SLC23A2: variants seen among roughly 807,000 people sequenced by gnomAD.
SLC23A2 encodes the protein solute carrier family 23 member 2, also known as Na(+)/L-ascorbic acid transporter 2.
A neutral mutation model predicts 73.3 loss-of-function variants in SLC23A2; 36 were observed. The ratio of observed to expected loss-of-function variants is 0.49; its 90% CI spans 0.38 to 0.65. SLC23A2 has a LOEUF of 0.65. SLC23A2 is among the 30% of genes least tolerant of loss of function. The probability of loss-of-function intolerance (pLI) is 0.00; values close to 1 mark genes in which losing one functional copy is unlikely to be tolerated. For missense variants in SLC23A2, 507 were observed against 841.6 expected, an observed-to-expected ratio of 0.60 and a Z score of 4.92; for synonymous variants, 343 against 327.3, an observed-to-expected ratio of 1.05 and a Z score of -0.52.
chr20:5,001,514 G>A (rs889390281), upstream of SLC23A2: 2 of 150,622 alleles, frequency 1.3e-5, no homozygotes, highest in African/African-American at 4.9e-5. Flanking sequence ...AAATGGCGCC[G>A]CGGAGGGGCG....
intron 4 of SLC23A2, among the ~76,000 whole-genome samples, chr20:4,907,545 TTAA>T (rs1931999797): frequency 6.6e-6 from 1 of 152,182 alleles, no homozygotes; most frequent in Non-Finnish European, 1.5e-5. Flanking sequence ...AGAATGCTTT[TTAA>T]AGACTTTAAC....
chr20:4,881,837 T>A (rs8123938), intron 9 of SLC23A2, among the ~76,000 whole-genome samples: 10,809 of 152,248 alleles, frequency 0.071, 875 homozygotes, highest in African/African-American at 0.2. Flanking sequence ...TATCAGTAAT[T>A]AATTGCAAAG....
upstream of SLC23A2, among the ~76,000 whole-genome samples, chr20:5,006,216 G>C (rs951485349): frequency 1.3e-5 from 2 of 151,530 alleles, no homozygotes; most frequent in Non-Finnish European, 2.9e-5. Context: ...TCCTGCCTCA[G>C]CCTCCCGAGT....
At chr20:4,925,924 G>A (rs1315740352) in intron 3 of SLC23A2, among the ~76,000 whole-genome samples, 1 of 152,214 alleles carries the variant, frequency 6.6e-6, no homozygotes, top group Non-Finnish European at 1.5e-5. Context: ...CACTATCACA[G>A]CACCCGTGCA....
chr20:5,009,359 T>C (rs1418345267), intron 1 of SLC23A2, among the ~76,000 whole-genome samples: 2 of 152,204 alleles, frequency 1.3e-5, no homozygotes, highest in Non-Finnish European at 2.9e-5. Context: ...CTTAATGTCC[T>C]CTGGATCATT....
At chr20:4,969,314 C>A (rs1194984021) in intron 2 of SLC23A2, among the ~76,000 whole-genome samples, 3 of 151,980 alleles carry the variant, frequency 2.0e-5, no homozygotes, top group Non-Finnish European at 2.9e-5. Context: ...GTCTTGAACT[C>A]CGGACCTCAG....
chr20:4,990,691 T>C (rs985537374), intron 1 of SLC23A2, among the ~76,000 whole-genome samples: 6 of 146,916 alleles, frequency 4.1e-5, no homozygotes, highest in Non-Finnish European at 6.0e-5. Context: ...TATCTTATTA[T>C]AAAAACAAGG....
intron 1 of SLC23A2, among the ~76,000 whole-genome samples, chr20:5,007,123 C>T (rs775655284): frequency 3.3e-5 from 5 of 152,124 alleles, no homozygotes; most frequent in Non-Finnish European, 7.4e-5. Flanking sequence ...ATGTATACCA[C>T]GTAGGCTTCT....
intron 8 of SLC23A2, 36 bp downstream of exon 8, chr20:4,884,717 T>C (rs750853386): frequency 8.7e-6 from 13 of 1,486,070 alleles, no homozygotes; most frequent in South Asian, 3.4e-5. Flanking sequence ...AGAAGAAACA[T>C]GAAGAAGCCA....
chr20:4,933,460 A>T (rs192789189), intron 2 of SLC23A2, among the ~76,000 whole-genome samples: 2,665 of 151,918 alleles, frequency 0.018, 25 homozygotes, highest in Middle Eastern at 0.031. Context: ...CTAAAAAAAA[A>T]AATAATAATA....
chr20:4,957,763 T>C (rs1418824924), intron 2 of SLC23A2, among the ~76,000 whole-genome samples: 1 of 151,420 alleles, frequency 6.6e-6, no homozygotes, highest in African/African-American at 2.4e-5. Context: ...TAGCCAGACA[T>C]GGTGGTGGGC....
chr20:4,961,338 T>C (rs778252473), intron 2 of SLC23A2, among the ~76,000 whole-genome samples: 12 of 152,050 alleles, frequency 7.9e-5, no homozygotes, highest in Non-Finnish European at 1.3e-4. Context: ...CACCTTGGCC[T>C]CCCAAAGTGC....
At chr20:4,945,880 G>A (rs1302841467) in intron 2 of SLC23A2, among the ~76,000 whole-genome samples, 2 of 152,146 alleles carry the variant, frequency 1.3e-5, no homozygotes, top group African/African-American at 4.8e-5. Context: ...CATGCCCATA[G>A]AAATATTGTG....
rs889426769 is a variant in SLC23A2 at position 4,899,246 on chromosome 20, A to C, written c.482+309T>G. Among the ~76,000 whole-genome samples, 1 of 152,138 alleles carries C rather than the reference A, an allele frequency of 6.6e-6. No homozygotes were observed. Among genetic ancestry groups the C allele is most frequent in the Non-Finnish European group, 1.5e-5 (1 of 68,018 alleles). On this transcript the variant is annotated intron_variant, in intron 6 of 16. Transcript: ENST00000338244. The surrounding 1 kb of genome is among the most constrained non-coding windows in gnomAD (Gnocchi z 4.9). ...AGCCTGGTGGGACACTCTGGTCTGA[A>C]CGTAAGGAATAGGGGCACAGAGGGG...
chr20:4,897,100 G>T (rs1028499703), intron 6 of SLC23A2, among the ~76,000 whole-genome samples: 1 of 152,132 alleles, frequency 6.6e-6, no homozygotes, highest in Non-Finnish European at 1.5e-5. Context: ...TGTCACCATT[G>T]CGCCCCACAA....
Position 4,862,033 on chromosome 20 carries a change from A to G in SLC23A2, c.1539T>C (p.Ser513=), listed in dbSNP as rs1449127708. The G allele has an allele frequency of 2.5e-6, 4 of 1,614,194 alleles. No individual in the cohort carries two copies. Among genetic ancestry groups the G allele is most frequent in the Non-Finnish European group, 3.4e-6 (4 of 1,179,994 alleles). The change falls in exon 15 of 17, where the codon TCT becomes TCC. Residue 513 remains serine (S), a synonymous_variant. Coordinates refer to ENST00000338244, the MANE Select transcript of SLC23A2 (RefSeq NM_005116.6). This position sits in a 1 kb window ranked among gnomAD's most constrained non-coding sequence, Gnocchi z 5.1. ...ATCCAAGCACAAAGAGGTTCCGGGAAGAATTTAAATCAATGAACTGCAGGT... is the reference window on the plus strand; with the variant it reads ...ATCCAAGCACAAAGAGGTTCCGGGAGGAATTTAAATCAATGAACTGCAGGT... ...LSNLQFIDLN[S]SRNLFVLGFS... is the part of the protein sequence containing the mutation.
upstream of SLC23A2, among the ~76,000 whole-genome samples, chr20:5,005,369 T>C (rs1464392029): frequency 6.6e-6 from 1 of 152,188 alleles, no homozygotes; most frequent in Non-Finnish European, 1.5e-5. Flanking sequence ...TTCATCTTCC[T>C]TTCTATTACA....
intron 9 of SLC23A2, among the ~76,000 whole-genome samples, chr20:4,877,333 A>C (rs879378803): frequency 2.0e-5 from 3 of 152,228 alleles, no homozygotes; most frequent in Non-Finnish European, 4.4e-5. Flanking sequence ...AATTTAAGCT[A>C]CATGCATGAG....
At chr20:4,962,795 C>T (rs6038020) in intron 2 of SLC23A2, among the ~76,000 whole-genome samples, 60,702 of 151,554 alleles carry the variant, frequency 0.4, 12,400 homozygotes, top group Admixed American at 0.48. Flanking sequence ...GTCAGGAGTT[C>T]GAGATCAGCC....
Sources: allele counts gnomAD v4.1 joint callset (sites outside exome capture counted in the v4.1 genomes callset), GRCh38; gene constraint gnomAD v4.1.1; non-coding constraint Gnocchi (gnomAD v3.1); transcripts MANE v1.5; gene names NCBI Gene and HGNC (gene_info 2026-07-23, HGNC 2026-07-21).